NMUR2: variants seen among roughly 807,000 people sequenced by gnomAD.
The protein encoded by NMUR2 is neuromedin U receptor 2, also known as neuromedin-U receptor 2.
In NMUR2, 24 loss-of-function variants were observed where a neutral mutation model predicts 25.1. The observed-to-expected ratio is 0.96, with a 90% confidence interval of 0.69 to 1.34. The LOEUF (loss-of-function observed/expected upper bound fraction) is 1.34, where lower values mean the gene tolerates loss of function less well. Among genes scored for constraint, NMUR2 ranks in the 40% most tolerant of loss-of-function variants. The pLI, the probability that NMUR2 is intolerant of heterozygous loss-of-function variation, is 0.00. For synonymous variants in NMUR2, 218 were observed against 208.1 expected, an observed-to-expected ratio of 1.05 and a Z score of -0.41; for missense variants, 533 against 512.8, an observed-to-expected ratio of 1.04 and a Z score of -0.38.
chr5:152,401,152 A>G (rs187156466), intron 1 of NMUR2, among the ~76,000 whole-genome samples: 5 of 152,306 alleles, frequency 3.3e-5, no homozygotes, highest in Admixed American at 2.6e-4. Flanking sequence ...ACTTCCCTAC[A>G]GATGTTTAGT....
intron 1 of NMUR2, among the ~76,000 whole-genome samples, chr5:152,403,532 C>G (rs1236651252): frequency 6.6e-6 from 1 of 151,886 alleles, no homozygotes; most frequent in Admixed American, 6.6e-5. Context: ...AGGAAAAGAA[C>G]CTCTAATTAT....
intron 1 of NMUR2, among the ~76,000 whole-genome samples, chr5:152,403,229 G>A (rs934404079): frequency 1.3e-5 from 2 of 151,976 alleles, no homozygotes; most frequent in African/African-American, 4.8e-5. Flanking sequence ...TTTTATACAC[G>A]GGAAAACTAA....
In NMUR2 at chr5:152,392,447, G is replaced by C; in HGVS notation, c.992C>G (p.Ser331Cys). The change falls in exon 4 of 4, where the codon TCT becomes TGT. Residue 331 changes from serine to cysteine, a missense_variant. By Grantham distance (112) the Ser-to-Cys change is moderately radical (BLOSUM62 -1). Coordinates refer to ENST00000255262, the MANE Select transcript of NMUR2 (RefSeq NM_020167.5). ...CTGGAATGCTGCCTGGAAGCGGCGA[G>C]ACAGTAGGTTATAGATAATGGGGTT... ...AVNPIIYNLL[S>C]RRFQAAFQNV... 6.2e-7 allele frequency: 1 copy of C among 1,614,030 alleles called. No individual in the cohort carries two copies. The highest frequency in any genetic ancestry group is 8.5e-7 in the Non-Finnish European group (1 of 1,179,922).
chr5:152,392,709 G>T (rs1332096065), intron 3 of NMUR2, among the ~76,000 whole-genome samples: 1 of 152,176 alleles, frequency 6.6e-6, no homozygotes, highest in East Asian at 1.9e-4. Flanking sequence ...AAAGATTAAA[G>T]AGTCTTGGAG....
At chr5:152,401,795 C>T (rs760921352) in intron 1 of NMUR2, among the ~76,000 whole-genome samples, 5 of 151,112 alleles carry the variant, frequency 3.3e-5, no homozygotes, top group South Asian at 4.2e-4. Flanking sequence ...GACTGAATGC[C>T]GAGCTGTGAG....
At chr5:152,400,816 A>C (rs1753238600) in intron 1 of NMUR2, among the ~76,000 whole-genome samples, 1 of 152,208 alleles carries the variant, frequency 6.6e-6, no homozygotes, top group Non-Finnish European at 1.5e-5. Context: ...AACAGTTCTC[A>C]ATGGTAATTT....
chr5:152,404,220 C>T (rs1485026018), intron 1 of NMUR2, among the ~76,000 whole-genome samples, 168 bp downstream of exon 1: 1 of 152,178 alleles, frequency 6.6e-6, no homozygotes, highest in African/African-American at 2.4e-5. Flanking sequence ...CCATTCATCT[C>T]ATTTGAGGCA....
chr5:152,404,677 A>G lies in NMUR2; in HGVS notation c.437T>C (p.Val146Ala), dbSNP rs1753322189. Residue 146 changes from valine to alanine, a missense_variant, in exon 1 of 4, where the codon GTG (valine) becomes GCG (alanine). Coordinates refer to ENST00000255262, the MANE Select transcript of NMUR2 (RefSeq NM_020167.5). ...SITTVSVERY[V>A]AILHPFRAKL... ...GGCGCGGAACGGGTGTAGGATGGCC[A>G]CGTAGCGCTCCACGCTGACGGTGGT... is the stretch of plus-strand genomic sequence containing the variant. 1 of 1,614,102 alleles carries G rather than the reference A, an allele frequency of 6.2e-7. No homozygotes were observed. The highest frequency in any genetic ancestry group is 8.5e-7 in the Non-Finnish European group (1 of 1,180,022).
rs777722706 is a variant in NMUR2, at chr5:152,404,881, G to A, written c.233C>T (p.Thr78Met). 1.2e-5 allele frequency: 20 copies of A among 1,613,932 alleles called. No individual in the cohort carries two copies. Among genetic ancestry groups the A allele is most frequent in the Non-Finnish European group, 1.7e-5 (20 of 1,180,020 alleles). The part of the protein sequence containing the change: ...LVILQHQAMK[T>M]PTNYYLFSLA... ...GCTGAAGAGGTAGTAGTTGGTGGGC[G>A]TCTTCATAGCCTGGTGCTGCAGAAT... The change falls in exon 1 of 4, where the codon ACG becomes ATG. Residue 78 changes from threonine to methionine, a missense_variant. Transcript: ENST00000255262.
chr5:152,392,764 T>C (rs1164283301), intron 3 of NMUR2, among the ~76,000 whole-genome samples: 1 of 152,218 alleles, frequency 6.6e-6, no homozygotes, highest in Non-Finnish European at 1.5e-5. Flanking sequence ...TCAGCAACTT[T>C]CTTTGATCAC....
intron 2 of NMUR2, among the ~76,000 whole-genome samples, chr5:152,397,012 G>GTTTTTTTTTTGTTTTTT (rs1753163984): frequency 9.5e-6 from 1 of 105,708 alleles, no homozygotes. Flanking sequence ...TGAGCTTCAT[G>GTTTTTTTTTTGTTTTTT]TTTTTTTTTT....
At position 152,405,170 on chromosome 5, in the gene NMUR2, G is replaced by GAAA. The variant is rs71669210; in HGVS notation, c.-60_-58dup. 160 of 1,155,636 alleles carry GAAA rather than the reference G, an allele frequency of 1.4e-4. No individual in the cohort carries two copies. Among genetic ancestry groups the GAAA allele is most frequent in the South Asian group, 4.6e-4 (22 of 47,926 alleles). The allele number at this position is 1,155,636 out of a possible 1,614,324, so 71.6% of individuals were successfully genotyped here. On this transcript the variant is annotated 5_prime_UTR_variant, in exon 1 of 4. Coordinates refer to ENST00000255262, the MANE Select transcript of NMUR2 (RefSeq NM_020167.5). ...GAGGCTCTGTTTCAAGCTGAGCCAG[G>GAAA]AAAAAAAAAAAAAAAAGAAAAAAGG...
At chr5:152,404,267 T>A in intron 1 of NMUR2, 121 bp downstream of exon 1, 1 of 1,209,096 alleles carries the variant, frequency 8.3e-7, no homozygotes, top group Non-Finnish European at 1.2e-6. Context: ...CTGAGCTCAT[T>A]CTATTTTCCC....
At chr5:152,398,173 G>A (rs1753195037) in intron 1 of NMUR2, 29 bp from the exon 2 acceptor site, 4 of 1,500,198 alleles carry the variant, frequency 2.7e-6, no homozygotes, top group East Asian at 4.5e-5. Flanking sequence ...GGGAGAGATA[G>A]TAAGAAAGAG....
At chr5:152,399,258 C>T (rs927297743) in intron 1 of NMUR2, among the ~76,000 whole-genome samples, 5 of 152,112 alleles carry the variant, frequency 3.3e-5, no homozygotes, top group Non-Finnish European at 5.9e-5. Flanking sequence ...ATTTACTTCT[C>T]TCTTCTCTTA....
chr5:152,400,591 TGAG>T (rs1310592823), intron 1 of NMUR2, among the ~76,000 whole-genome samples: 1 of 152,194 alleles, frequency 6.6e-6, no homozygotes, highest in Non-Finnish European at 1.5e-5. Flanking sequence ...GCAGATATGC[TGAG>T]AAGAAAAACA....
Position 152,392,257 on chromosome 5 carries a change from T to C in NMUR2, c.1182A>G (p.Pro394=). 3.1e-6 allele frequency: 5 copies of C among 1,613,854 alleles called. No homozygotes were observed. Among genetic ancestry groups the C allele is most frequent in the Non-Finnish European group, 4.2e-6 (5 of 1,179,870 alleles). The change falls in exon 4 of 4, where the codon CCA becomes CCG. Residue 394 remains proline (P), a synonymous_variant. Transcript: ENST00000255262. ...CQSSMHNSHL[P]AALSSEQMSR... ...ACATCTGTTCACTAGAGAGGGCTGC[T>C]GGGAGGTGAGAGTTGTGCATGGATG...
In NMUR2 at chr5:152,404,947, A is replaced by G. The variant is rs766561174; in HGVS notation, c.167T>C (p.Phe56Ser). ...GACATTGCCAATGACCCCCACCACA[A>G]AAATTGGCACATACACCACAGACAC... ...LPVSVVYVPI[F>S]VVGVIGNVLV... The change falls in exon 1 of 4, where the codon TTT becomes TCT. Residue 56 changes from phenylalanine (F) to serine (S), a missense_variant. Coordinates refer to ENST00000255262, the MANE Select transcript of NMUR2 (RefSeq NM_020167.5). 1 of 1,613,966 alleles carries G rather than the reference A, an allele frequency of 6.2e-7. No individual in the cohort carries two copies. The highest frequency in any genetic ancestry group is 8.5e-7 in the Non-Finnish European group (1 of 1,179,978).
At position 152,404,672 on chromosome 5, in the gene NMUR2, T is replaced by C. The variant is rs1193543696; in HGVS notation, c.442A>G (p.Ile148Val). 4 of 1,613,996 alleles carry C rather than the reference T, an allele frequency of 2.5e-6. No individual in the cohort carries two copies. The highest frequency in any genetic ancestry group is 1.7e-6 in the Non-Finnish European group (2 of 1,180,010). ...TTVSVERYVA[I>V]LHPFRAKLQS... ...AGTTTGGCGCGGAACGGGTGTAGGA[T>C]GGCCACGTAGCGCTCCACGCTGACG... The change falls in exon 1 of 4, where the codon ATC becomes GTC. Residue 148 changes from isoleucine to valine, a missense_variant. Coordinates refer to ENST00000255262, the MANE Select transcript of NMUR2 (RefSeq NM_020167.5).
Sources: gnomAD v4.1 joint callset for allele counts (sites outside exome capture counted in the v4.1 genomes callset) on GRCh38, gnomAD v4.1.1 for gene constraint, MANE v1.5 for transcripts, NCBI Gene and HGNC (gene_info 2026-07-23, HGNC 2026-07-21) for gene names.